The following DNAAF1 variants were observed in gnomAD, a reference collection of about 807,000 sequenced individuals.
DNAAF1 encodes dynein assembly factor 1, axonemal.
In DNAAF1, 65 loss-of-function variants were observed where a neutral mutation model predicts 71.1. The observed-to-expected ratio is 0.91, with a 90% CI of 0.75 to 1.12. DNAAF1 has a LOEUF of 1.12. Among genes scored for constraint, DNAAF1 ranks in the 50% most tolerant of loss-of-function variants. The pLI, the probability that DNAAF1 is intolerant of heterozygous loss-of-function variation, is 0.00. For missense variants in DNAAF1, 1,178 were observed against 899.8 expected, an observed-to-expected ratio of 1.31 and a Z score of -3.96; for synonymous variants, 414 against 354.6, an observed-to-expected ratio of 1.17 and a Z score of -1.88.
chr16:84,166,752 G>T (rs1199966208), intron 7 of DNAAF1, among the ~76,000 whole-genome samples: 1 of 152,196 alleles, frequency 6.6e-6, no homozygotes, highest in African/African-American at 2.4e-5. Context: ...GCACCAGTGA[G>T]AACCTCAAAC....
At position 84,165,806 on chromosome 16, in the gene DNAAF1, G is replaced by T; in HGVS notation, c.887G>T (p.Arg296Met). ...KDRACAEAWA[R>M]GGYAAEKEER... ...AGAGCTTGTGCGGAGGCCTGGGCTA[G>T]GGGAGGGTACGCAGCTGAAAAGGAG... The change falls in exon 7 of 12, where the codon AGG (arginine) becomes ATG (methionine). Residue 296 changes from arginine to methionine, a missense_variant. Physicochemically the swap from Arg to Met is moderately conservative, Grantham distance 91. Coordinates refer to ENST00000378553, the MANE Select transcript of DNAAF1 (RefSeq NM_178452.6). The T allele has an allele frequency of 6.2e-7, 1 of 1,613,726 alleles. No homozygotes were observed. The highest frequency in any genetic ancestry group is 2.2e-5 in the East Asian group (1 of 44,854).
At chr16:84,163,678 CCT>C (rs1428503260) in intron 6 of DNAAF1, among the ~76,000 whole-genome samples, 1 of 152,068 alleles carries the variant, frequency 6.6e-6, no homozygotes, top group Admixed American at 6.6e-5. Flanking sequence ...CGCACCCAGC[CCT>C]GTCTTTTTAT....
At chr16:84,145,682 T>G in intron 1 of DNAAF1, 118 bp downstream of exon 1, 1 of 1,303,890 alleles carries the variant, frequency 7.7e-7, no homozygotes, top group South Asian at 1.5e-5. Flanking sequence ...ATAATAATAA[T>G]GGTAGCAAGC....
intron 3 of DNAAF1, 37 bp from the exon 4 acceptor site, chr16:84,154,540 G>A (rs1317715808): frequency 1.0e-5 from 16 of 1,592,216 alleles, no homozygotes; most frequent in Non-Finnish European, 1.3e-5. Flanking sequence ...TGCCCTGGGA[G>A]TAGGAGCTTA....
intron 8 of DNAAF1, among the ~76,000 whole-genome samples, chr16:84,171,971 A>G (rs988678421): frequency 1.3e-5 from 2 of 148,730 alleles, no homozygotes; most frequent in East Asian, 2.0e-4. Flanking sequence ...TCCCTCTCCC[A>G]GGTTCAAGCT....
At position 84,159,424 on chromosome 16, in the gene DNAAF1, G is replaced by T. The variant is rs552777483; in HGVS notation, c.742-251G>T. Among the ~76,000 whole-genome samples the T allele has an allele frequency of 6.6e-5, 10 of 152,298 alleles. No individual in the cohort carries two copies. The South Asian group carries it at 2.1e-3, about 32-fold the overall frequency. ...GGAAATGTTTTCCAGTATTGTTCTG[G>T]AGGGACGATGAGATCTAAGATCTGA... On this transcript the variant is annotated intron_variant, in intron 5 of 11. Coordinates refer to ENST00000378553, the MANE Select transcript of DNAAF1 (RefSeq NM_178452.6).
intron 8 of DNAAF1, 21 bp from the exon 9 acceptor site, chr16:84,172,239 A>G (rs746171841): frequency 3.1e-6 from 5 of 1,611,914 alleles, no homozygotes; most frequent in Middle Eastern, 1.7e-4. Context: ...ACTAACTCCA[A>G]GACTTGTTGT....
rs994477404 is a variant in DNAAF1, at chr16:84,160,936, C to CA, written c.863+1157dup. Among the ~76,000 whole-genome samples the CA allele has an allele frequency of 7.0e-3, 472 of 67,174 alleles. 3 individuals are homozygous for CA. Among genetic ancestry groups the CA allele is most frequent in the African/African-American group, 0.017 (302 of 18,032 alleles). The allele number at this position is 67,174 out of a possible 152,430, so 44.1% of individuals were successfully genotyped here. A position where few individuals can be genotyped will look rare whatever the true frequency, so the allele number is the denominator to read the frequency against. The stretch of plus-strand genomic sequence containing the variant: ...TGGGCAACAGAGCGAGACTCCGTCT[C>CA]AAAAAAAAAAAAAAAAAGAAAACCA... On this transcript the variant is annotated intron_variant, in intron 6 of 11. Transcript: ENST00000378553.
At chr16:84,159,907 T>C (rs2087621324) in intron 6 of DNAAF1, 111 bp downstream of exon 6, 2 of 1,348,268 alleles carry the variant, frequency 1.5e-6, no homozygotes, top group Non-Finnish European at 2.1e-6. Context: ...ATCAAAAATG[T>C]TCTTTGGAAA....
Position 84,145,512 on chromosome 16 carries a change from G to T in DNAAF1, c.72G>T (p.Val24=). Residue 24 remains valine, a synonymous_variant, in exon 1 of 12, where the codon GTG becomes GTT. Transcript: ENST00000378553. The part of the protein sequence containing the change: ...AELDCAQEPG[V]EESAGDHGSA... ...TGGATTGCGCGCAGGAGCCCGGCGT[G>T]GAGGAGTCTGCGGGTGACCACGGGA... The T allele has an allele frequency of 6.4e-7, 1 of 1,560,144 alleles. No homozygotes were observed. The highest frequency in any genetic ancestry group is 2.4e-5 in the East Asian group (1 of 42,542).
chr16:84,147,396 G>A (rs566120466), intron 1 of DNAAF1, among the ~76,000 whole-genome samples: 7 of 152,050 alleles, frequency 4.6e-5, no homozygotes, highest in African/African-American at 1.4e-4. Context: ...AGTTAAGTGC[G>A]GTTGAATTGG....
chr16:84,172,713 T>C, intron 9 of DNAAF1: 1 of 1,185,138 alleles, frequency 8.4e-7, no homozygotes, highest in Middle Eastern at 3.7e-4. Context: ...TTCTGACTAG[T>C]TGCCTTATCC....
rs374606494 is a variant in DNAAF1, at chr16:84,169,865, T to C, written c.1037T>C (p.Met346Thr). 2.5e-6 allele frequency: 4 copies of C among 1,613,622 alleles called. No homozygotes were observed. The highest frequency in any genetic ancestry group is 1.8e-4 in the Middle Eastern group (1 of 5,694). Residue 346 changes from methionine to threonine, a missense_variant, in exon 8 of 12, where the codon ATG becomes ACG. Physicochemically the swap from Met to Thr is moderately conservative, Grantham distance 81 (BLOSUM62 -1). Transcript: ENST00000378553. ...RQRESQERGE[M>T]TSSDDGENVP... is the part of the protein sequence containing the mutation. Reference sequence around the variant, plus strand: ...TTGCATTTTCTGCCATTAGGGGAGATGACATCTTCAGATGATGGTGAGAAT... The same window carrying C: ...TTGCATTTTCTGCCATTAGGGGAGACGACATCTTCAGATGATGGTGAGAAT...
chr16:84,170,067 G>A lies in DNAAF1; in HGVS notation c.1239G>A (p.Glu413=). ...GAGAGGATGGAGGTCCAGAGCCAGAGGGGACCCTCCCAGCTGAGACCCTGC... is the reference window on the plus strand; with the variant it reads ...GAGAGGATGGAGGTCCAGAGCCAGAAGGGACCCTCCCAGCTGAGACCCTGC... ...AKREDGGPEP[E]GTLPAETLLL... is the part of the protein sequence containing the mutation. Residue 413 remains glutamate (E), a synonymous_variant, in exon 8 of 12, where the codon GAG becomes GAA. Transcript: ENST00000378553. 1.2e-6 allele frequency: 2 copies of A among 1,613,626 alleles called. No individual in the cohort carries two copies. Among genetic ancestry groups the A allele is most frequent in the South Asian group, 1.1e-5 (1 of 91,068 alleles).
At chr16:84,148,596 C>CTCTCTCTTTTTTTTTTTTTTTT in intron 1 of DNAAF1, among the ~76,000 whole-genome samples, 2 of 43,574 alleles carry the variant, frequency 4.6e-5, no homozygotes, top group African/African-American at 9.2e-5. Context: ...CTCTCTCTCT[C>CTCTCTCTTTTTTTTTTTTTTTT]TTTTTTTTTT....
chr16:84,151,398 C>T (rs2087174179), intron 3 of DNAAF1, among the ~76,000 whole-genome samples: 1 of 152,106 alleles, frequency 6.6e-6, no homozygotes, highest in Non-Finnish European at 1.5e-5. Context: ...CTATGGGTCT[C>T]CTCACCTCCA....
Position 84,173,404 on chromosome 16 carries a change from C to T in DNAAF1, c.1644+1029C>T, listed in dbSNP as rs539334819. ...GCAGGAACCTGGGAGGTGGAGCTTG[C>T]AGTGAGCCGAGATCACGCCACTGCA... On this transcript the variant is annotated intron_variant, in intron 9 of 11. Coordinates refer to ENST00000378553, the MANE Select transcript of DNAAF1 (RefSeq NM_178452.6). 1.0e-5 allele frequency: 8 copies of T among 793,752 alleles called. No homozygotes were observed. The South Asian group carries it at 1.7e-4, about 17-fold the overall frequency. 49.2% of individuals were successfully genotyped at this position (793,752 alleles called of 1,614,324 possible).
intron 2 of DNAAF1, 135 bp from the exon 3 acceptor site, chr16:84,150,116 G>C: frequency 1.5e-6 from 1 of 667,524 alleles, no homozygotes; most frequent in South Asian, 1.7e-5. Flanking sequence ...AGAAAAAGAC[G>C]AACTTAAAAT....
chr16:84,154,715 G>A lies in DNAAF1; in HGVS notation c.491G>A (p.Arg164His), dbSNP rs750513286. The change falls in exon 4 of 12, where the codon CGT becomes CAT. Residue 164 changes from arginine to histidine, a missense_variant. Coordinates refer to ENST00000378553, the MANE Select transcript of DNAAF1 (RefSeq NM_178452.6). ...CTCTTCTTGCAAATGAACTTGCTCC[G>A]TAAAATTGAGAACCTGGAACCTCTG... is the stretch of plus-strand genomic sequence containing the variant. Reference protein sequence around the residue: ...RCLFLQMNLLRKIENLEPLQK... With the variant: ...RCLFLQMNLLHKIENLEPLQK... The A allele has an allele frequency of 2.4e-5, 38 of 1,613,948 alleles. No homozygotes were observed. The Admixed American group carries it at 3.3e-4, about 14-fold the overall frequency.
Sources: gnomAD v4.1 joint callset for allele counts (sites outside exome capture counted in the v4.1 genomes callset) on GRCh38, gnomAD v4.1.1 for gene constraint, MANE v1.5 for transcripts, NCBI Gene and HGNC (gene_info 2026-07-23, HGNC 2026-07-21) for gene names.